The following FHIT variants were observed in gnomAD, a reference collection of about 807,000 sequenced individuals.
The protein encoded by FHIT is bis(5'-adenosyl)-triphosphatase.
Under a neutral mutation model 17.9 loss-of-function variants are expected in FHIT, and 19 were observed. The observed-to-expected ratio is 1.06, with a 90% CI of 0.74 to 1.56. FHIT has a LOEUF of 1.56. Ranked by LOEUF, FHIT falls within the 40% of genes most tolerant of loss-of-function variation. FHIT has a pLI of 0.00. For synonymous variants in FHIT, 81 were observed against 69.7 expected, an observed-to-expected ratio of 1.16 and a Z score of -0.81; for missense variants, 248 against 189.2, an observed-to-expected ratio of 1.31 and a Z score of -1.82.
intron 1 of FHIT, among the ~76,000 whole-genome samples, chr3:61,224,478 A>G (rs956129220): frequency 6.6e-6 from 1 of 152,168 alleles, no homozygotes; most frequent in Non-Finnish European, 1.5e-5. Flanking sequence ...ATGCAACGAT[A>G]TGATCTCGGC....
chr3:60,660,324 A>C (rs1311115026), intron 4 of FHIT, among the ~76,000 whole-genome samples: 1 of 152,124 alleles, frequency 6.6e-6, no homozygotes, highest in Middle Eastern at 3.2e-3. Flanking sequence ...TTTGAATGAC[A>C]GTGGCCTTTT....
chr3:59,862,884 T>TG (rs11369935), intron 8 of FHIT, among the ~76,000 whole-genome samples: 83,433 of 151,924 alleles, frequency 0.55, 24,286 homozygotes, highest in African/African-American at 0.75. Flanking sequence ...CATGAGTCAT[T>TG]CTGATAACTG....
rs1421199442 is a variant in FHIT, at chr3:60,779,008, G to A, written c.-18+42911C>T. Among the ~76,000 whole-genome samples the A allele has an allele frequency of 2.0e-5, 3 of 152,166 alleles. 1 individual carries two copies. Among genetic ancestry groups the A allele is most frequent in the Non-Finnish European group, 2.9e-5 (2 of 68,032 alleles). On this transcript the variant is annotated intron_variant, in intron 4 of 9. Transcript: ENST00000492590. ...GATCACCCAACTCACAGGTATTTGA[G>A]GATGCAAACCCATGGCTAGGCTCAG...
chr3:60,920,623 G>A (rs1707230117), intron 3 of FHIT, among the ~76,000 whole-genome samples: 1 of 152,090 alleles, frequency 6.6e-6, no homozygotes, highest in African/African-American at 2.4e-5. Context: ...ACATGCCAAG[G>A]ACCTGGGGAA....
chr3:60,011,502 G>T, intron 6 of FHIT, 102 bp from the exon 7 acceptor site: 1 of 1,016,466 alleles, frequency 9.8e-7, no homozygotes, highest in Non-Finnish European at 1.5e-6. Flanking sequence ...ATTTCATTGT[G>T]TGTTAATTTA....
chr3:60,840,877 G>A (rs1030252931), intron 3 of FHIT, among the ~76,000 whole-genome samples: 29 of 152,300 alleles, frequency 1.9e-4, no homozygotes, highest in African/African-American at 4.6e-4. Context: ...TCAATGTGGT[G>A]TCTAACAGAT....
At chr3:59,915,869 C>T (rs1288655054) in intron 8 of FHIT, among the ~76,000 whole-genome samples, 1 of 149,144 alleles carries the variant, frequency 6.7e-6, no homozygotes, top group East Asian at 2.0e-4. Context: ...GGGTTTGAGG[C>T]TGTAGTGAGC....
At chr3:60,248,618 G>T (rs1016323264) in intron 5 of FHIT, among the ~76,000 whole-genome samples, 19 of 152,102 alleles carry the variant, frequency 1.2e-4, no homozygotes, top group African/African-American at 4.3e-4. Flanking sequence ...GAGGGAGTAA[G>T]AAAAATGATA....
intron 8 of FHIT, among the ~76,000 whole-genome samples, chr3:59,785,117 G>C (rs1334943621): frequency 6.6e-6 from 1 of 152,046 alleles, no homozygotes; most frequent in East Asian, 1.9e-4. Flanking sequence ...CACGAGGATG[G>C]CATCAAGGGG....
chr3:60,129,007 G>A (rs1699390578), intron 5 of FHIT, among the ~76,000 whole-genome samples: 1 of 147,048 alleles, frequency 6.8e-6, no homozygotes, highest in Non-Finnish European at 1.5e-5. Context: ...TTCCTTCCTG[G>A]TTACTCTATA....
chr3:61,051,759 T>C (rs1216858412), intron 2 of FHIT, among the ~76,000 whole-genome samples: 1 of 152,202 alleles, frequency 6.6e-6, no homozygotes, highest in African/African-American at 2.4e-5. Context: ...CCCTTCTGTA[T>C]AAAGTTCTGG....
At chr3:61,006,148 A>G (rs561948744) in intron 3 of FHIT, among the ~76,000 whole-genome samples, 1 of 152,266 alleles carries the variant, frequency 6.6e-6, no homozygotes, top group Admixed American at 6.5e-5. Flanking sequence ...TGGCAAAGAG[A>G]ACTTGTAAAA....
intron 5 of FHIT, among the ~76,000 whole-genome samples, chr3:60,242,403 T>G (rs896816835): frequency 1.2e-4 from 19 of 152,120 alleles, no homozygotes; most frequent in African/African-American, 4.6e-4. Context: ...CAAAACCCAT[T>G]TGGGTCCTTA....
At chr3:60,280,680 A>C (rs937480218) in intron 5 of FHIT, among the ~76,000 whole-genome samples, 2 of 152,058 alleles carry the variant, frequency 1.3e-5, no homozygotes, top group Non-Finnish European at 2.9e-5. Flanking sequence ...TAGATTTTAG[A>C]CTTCTGGCTT....
chr3:60,227,442 A>G (rs982192693), intron 5 of FHIT, among the ~76,000 whole-genome samples: 10 of 152,132 alleles, frequency 6.6e-5, no homozygotes, highest in African/African-American at 2.4e-4. Context: ...CTGGCCAGCT[A>G]AATAGCTTGA....
chr3:60,974,939 A>C (rs1710172433), intron 3 of FHIT, among the ~76,000 whole-genome samples: 1 of 152,200 alleles, frequency 6.6e-6, no homozygotes, highest in South Asian at 2.1e-4. Context: ...GGGATGAAGT[A>C]AGTTACAGAA....
At chr3:60,123,267 C>T (rs72882755) in intron 5 of FHIT, among the ~76,000 whole-genome samples, 21,701 of 151,992 alleles carry the variant, frequency 0.14, 1,696 homozygotes, top group South Asian at 0.21. Context: ...ATGAGATAAG[C>T]GATCATTTGT....
chr3:60,393,491 T>C (rs897621040), intron 5 of FHIT, among the ~76,000 whole-genome samples: 3 of 151,420 alleles, frequency 2.0e-5, no homozygotes, highest in Non-Finnish European at 4.4e-5. Context: ...TATACACTTC[T>C]ACAAAGGAAA....
At chr3:60,166,831 A>T (rs1701197897) in intron 5 of FHIT, among the ~76,000 whole-genome samples, 1 of 152,138 alleles carries the variant, frequency 6.6e-6, no homozygotes, top group African/African-American at 2.4e-5. Context: ...CCTTAATACC[A>T]AATATTATAT....
Sources: allele counts gnomAD v4.1 joint callset (sites outside exome capture counted in the v4.1 genomes callset), GRCh38; gene constraint gnomAD v4.1.1; transcripts MANE v1.5; gene names NCBI Gene and HGNC (gene_info 2026-07-23, HGNC 2026-07-21).